Variants in EIF2D observed in about 807,000 individuals in gnomAD.
EIF2D encodes the protein eukaryotic translation initiation factor 2D.
In EIF2D, 56 loss-of-function variants were observed where a neutral mutation model predicts 77.4. That is an observed-to-expected ratio of 0.72 (90% CI 0.58 to 0.90). The LOEUF is 0.90. EIF2D is among the 40% of genes least tolerant of loss of function. The probability of loss-of-function intolerance (pLI) is 0.00; values close to 1 mark genes in which losing one functional copy is unlikely to be tolerated. For missense variants in EIF2D, 574 were observed against 706.5 expected, an observed-to-expected ratio of 0.81 and a Z score of 2.13; for synonymous variants, 230 against 271.0, an observed-to-expected ratio of 0.85 and a Z score of 1.49.
intron 2 of EIF2D, among the ~76,000 whole-genome samples, chr1:206,610,558 C>A (rs1553413687): frequency 6.6e-6 from 1 of 152,030 alleles, no homozygotes; most frequent in Middle Eastern, 3.2e-3. Flanking sequence ...CGGTGGCTCA[C>A]GTCTGTAATT....
At chr1:206,574,848 A>G (rs1220030041) in intron 4 of EIF2D, among the ~76,000 whole-genome samples, 1 of 144,760 alleles carries the variant, frequency 6.9e-6, no homozygotes, top group Non-Finnish European at 1.5e-5. Context: ...CAAAGGGACC[A>G]ATGACTTTTT....
chr1:206,577,707 G>A (rs1421018023), intron 4 of EIF2D, among the ~76,000 whole-genome samples: 3 of 152,188 alleles, frequency 2.0e-5, no homozygotes, highest in African/African-American at 7.2e-5. Context: ...AGTCTAAATG[G>A]AAATCCAAGG....
chr1:206,602,371 G>A lies in EIF2D; in HGVS notation c.867C>T (p.Thr289=). The change falls in exon 7 of 15, where the codon ACC becomes ACT. Residue 289 remains threonine, a synonymous_variant. Coordinates refer to ENST00000271764, the MANE Select transcript of EIF2D (RefSeq NM_006893.3). ...ACATGTGGCTGCCAAGGAAAGTGCTGGTGAGTAAAGGGAGGTCAGCCTTTT... is the reference window on the plus strand; with the variant it reads ...ACATGTGGCTGCCAAGGAAAGTGCTAGTGAGTAAAGGGAGGTCAGCCTTTT... ...RVKKADLPLL[T]STFLGSHMFS... is the part of the protein sequence containing the mutation. 1.2e-6 allele frequency: 2 copies of A among 1,614,196 alleles called. No individual in the cohort carries two copies. Among genetic ancestry groups the A allele is most frequent in the South Asian group, 2.2e-5 (2 of 91,082 alleles).
chr1:206,573,423 CTA>C (rs1159038819), intron 4 of EIF2D, among the ~76,000 whole-genome samples: 3 of 152,182 alleles, frequency 2.0e-5, no homozygotes, highest in African/African-American at 7.2e-5. Flanking sequence ...TGAATCTCTG[CTA>C]TGTGTCAAGC....
intron 2 of EIF2D, chr1:206,583,157 C>T: frequency 2.8e-6 from 2 of 719,176 alleles, no homozygotes; most frequent in Non-Finnish European, 2.5e-6. Context: ...TTCCACTCTG[C>T]AGGGCTGGAT....
chr1:206,600,226 C>G (rs1669856909), intron 8 of EIF2D, 37 bp downstream of exon 8: 1 of 1,604,890 alleles, frequency 6.2e-7, no homozygotes, highest in Non-Finnish European at 8.5e-7. Context: ...CCCTACACAA[C>G]TCTCTGCATG....
intron 2 of EIF2D, chr1:206,585,659 C>T (rs1260464499): frequency 1.1e-5 from 2 of 186,656 alleles, no homozygotes; most frequent in Non-Finnish European, 2.3e-5. Flanking sequence ...CTGGGCTCCA[C>T]TGGGTATAGA....
chr1:206,585,857 A>G (rs1669091941), intron 2 of EIF2D: 1 of 152,338 alleles, frequency 6.6e-6, no homozygotes. Context: ...AGTTTTAAGG[A>G]GTTTTGGGAG....
rs1321303896 is a variant in EIF2D, at chr1:206,579,900, C to T, written c.*254+792G>A. On this transcript the variant is annotated intron_variant and NMD_transcript_variant, in intron 4 of 5. Coordinates refer to the EIF2D transcript ENST00000472709. The surrounding 1 kb of genome is among the most constrained non-coding windows in gnomAD (Gnocchi z 4.2). ...GGTGATTCATTTGGTCCATGGGTCA[C>T]ATCTTGTCTGCCAGATATTTTTGTG... 6.6e-6 allele frequency among the ~76,000 whole-genome samples: 1 copy of T among 152,230 alleles called. No individual in the cohort carries two copies. The highest frequency in any genetic ancestry group is 2.4e-5 in the African/African-American group (1 of 41,458).
In EIF2D at chr1:206,611,257, C is replaced by A; in HGVS notation, c.174G>T (p.Gly58=). ...LNIVKLYAHK[G]DAVTVYVSGG... ...CACTCACGTACACAGTCACTGCATC[C>A]CCTTTGTGAGCATACAACTTCACAA... The change falls in exon 2 of 15, where the codon GGG becomes GGT. Residue 58 remains glycine, a synonymous_variant. Transcript: ENST00000271764. 1 of 1,614,190 alleles carries A rather than the reference C, an allele frequency of 6.2e-7. No individual in the cohort carries two copies. Among genetic ancestry groups the A allele is most frequent in the Non-Finnish European group, 8.5e-7 (1 of 1,180,044 alleles).
Position 206,599,840 on chromosome 1 carries a change from A to C in EIF2D, c.949-4T>G. 1 of 1,613,730 alleles carries C rather than the reference A, an allele frequency of 6.2e-7. No homozygotes were observed. ...TTTGCTGCAGGAACTTAGAGAGCTA[A>C]GGGAGAGAGGGCCAGTGGTAGGGGA... is the stretch of plus-strand genomic sequence containing the variant. On this transcript the variant is annotated splice_polypyrimidine_tract_variant and splice_region_variant and intron_variant, in intron 8 of 14. Coordinates refer to ENST00000271764, the MANE Select transcript of EIF2D (RefSeq NM_006893.3). The surrounding 1 kb of genome is among the most constrained non-coding windows in gnomAD (Gnocchi z 4.1).
At position 206,591,746 on chromosome 1, in the gene EIF2D, G is replaced by A. The variant is rs183014210; in HGVS notation, c.*29C>T. The A allele has an allele frequency of 8.8e-5, 142 of 1,607,860 alleles. No individual in the cohort carries two copies. Among genetic ancestry groups the A allele is most frequent in the South Asian group, 6.3e-4 (57 of 90,956 alleles). On this transcript the variant is annotated 3_prime_UTR_variant, in exon 15 of 15. Coordinates refer to ENST00000271764, the MANE Select transcript of EIF2D (RefSeq NM_006893.3). ...CCAGCCCAGAGCTTGGATTTCCACCGGATCCACCACGTGAGACAAAAGAGT... is the reference window on the plus strand; with the variant it reads ...CCAGCCCAGAGCTTGGATTTCCACCAGATCCACCACGTGAGACAAAAGAGT...
intron 4 of EIF2D, 28 bp downstream of exon 4, chr1:206,608,208 C>A: frequency 6.3e-7 from 1 of 1,598,842 alleles, no homozygotes; most frequent in Middle Eastern, 1.7e-4. Flanking sequence ...AGTTTTTCCC[C>A]CAAAGGCACA....
At chr1:206,609,585 G>A (rs1242498566) in intron 2 of EIF2D, 126 bp from the exon 3 acceptor site, 1 of 763,824 alleles carries the variant, frequency 1.3e-6, no homozygotes, top group East Asian at 2.7e-5. Flanking sequence ...AAGCTAAAGA[G>A]AAGGTTGTAA....
At position 206,599,869 on chromosome 1, in the gene EIF2D, C is replaced by T. The variant is rs782111263; in HGVS notation, c.949-33G>A. 5 of 1,597,966 alleles carry T rather than the reference C, an allele frequency of 3.1e-6. No homozygotes were observed. In the East Asian group the frequency reaches 1.1e-4, roughly 36 times the overall value. Reference sequence around the variant, plus strand: ...AGAGAGGGCCAGTGGTAGGGGACTTCATTGATTCCACACACATACTGAGCA... The same window carrying T: ...AGAGAGGGCCAGTGGTAGGGGACTTTATTGATTCCACACACATACTGAGCA... On this transcript the variant is annotated intron_variant, in intron 8 of 14. Transcript: ENST00000271764. This position sits in a 1 kb window ranked among gnomAD's most constrained non-coding sequence, Gnocchi z 4.1.
At chr1:206,569,695 G>A (rs1279727528), downstream of EIF2D, among the ~76,000 whole-genome samples, 1 of 152,196 alleles carries the variant, frequency 6.6e-6, no homozygotes, top group Non-Finnish European at 1.5e-5. Context: ...TTCATCTTGA[G>A]GCCCCTTCCT....
chr1:206,597,559 G>A (rs907953626), intron 11 of EIF2D, among the ~76,000 whole-genome samples: 34 of 152,352 alleles, frequency 2.2e-4, no homozygotes, highest in African/African-American at 7.5e-4. Context: ...GCTCACGCCT[G>A]TAATCCCAGC....
At chr1:206,580,686 A>G (rs1027335701) in intron 4 of EIF2D, 3 of 152,132 alleles carry the variant, frequency 2.0e-5, no homozygotes, top group Admixed American at 6.5e-5. Context: ...ACTACTTGCT[A>G]CTCACCTCCG....
chr1:206,587,111 CAA>C (rs1669149935), downstream of EIF2D: 7 of 1,154,684 alleles, frequency 6.1e-6, no homozygotes, highest in Middle Eastern at 2.8e-4. Context: ...CCAGCTGTGG[CAA>C]AAGTCTCTTC....
Sources: allele counts gnomAD v4.1 joint callset (sites outside exome capture counted in the v4.1 genomes callset), GRCh38; gene constraint gnomAD v4.1.1; non-coding constraint Gnocchi (gnomAD v3.1); transcripts MANE v1.5; gene names NCBI Gene and HGNC (gene_info 2026-07-23, HGNC 2026-07-21).